Variants in ACTR3 observed in about 807,000 individuals in gnomAD.
The protein encoded by ACTR3 is actin related protein 3.
Under a neutral mutation model 56.8 loss-of-function variants are expected in ACTR3, and 12 were observed. The observed-to-expected ratio is 0.21, with a 90% CI of 0.14 to 0.34. ACTR3 has a LOEUF of 0.34. ACTR3 is among the 10% of genes least tolerant of loss of function. ACTR3 has a pLI of 1.00. For missense variants in ACTR3, 282 were observed against 512.5 expected, an observed-to-expected ratio of 0.55 and a Z score of 4.34; for synonymous variants, 162 against 167.4, an observed-to-expected ratio of 0.97 and a Z score of 0.25.
chr2:113,908,716 T>C (rs1245105943), intron 1 of ACTR3, among the ~76,000 whole-genome samples: 1 of 152,142 alleles, frequency 6.6e-6, no homozygotes, highest in Non-Finnish European at 1.5e-5. Context: ...TCTTAATTTT[T>C]AAAGTTTGCT....
At chr2:113,932,879 A>G (rs1363736863) in intron 5 of ACTR3, among the ~76,000 whole-genome samples, 1 of 152,166 alleles carries the variant, frequency 6.6e-6, no homozygotes, top group African/African-American at 2.4e-5. Context: ...TCTTGTGTTC[A>G]GATAGGAGGG....
In ACTR3 at chr2:113,959,205, CT is replaced by C. The variant is rs1680278615; in HGVS notation, c.*1752del. On this transcript the variant is annotated 3_prime_UTR_variant, in exon 12 of 12. Coordinates refer to ENST00000263238, the MANE Select transcript of ACTR3 (RefSeq NM_005721.5). ...GACTACTTGGAATGTCTTAGATGTCCTTGTATTGTAATTTTCTGTGTAGGTA... is the reference window on the plus strand; with the variant it reads ...GACTACTTGGAATGTCTTAGATGTCCTGTATTGTAATTTTCTGTGTAGGTA... 1 of 151,876 alleles carries C rather than the reference CT, an allele frequency of 6.6e-6. No individual in the cohort carries two copies. The highest frequency in any genetic ancestry group is 1.5e-5 in the Non-Finnish European group (1 of 67,856). 9.4% of individuals were successfully genotyped at this position (151,876 alleles called of 1,614,324 possible). A position where few individuals can be genotyped will look rare whatever the true frequency, so the allele number is the denominator to read the frequency against.
chr2:113,905,926 T>A (rs1679183597), intron 1 of ACTR3, among the ~76,000 whole-genome samples: 1 of 152,256 alleles, frequency 6.6e-6, no homozygotes, highest in Non-Finnish European at 1.5e-5. Flanking sequence ...GCTTCCACCT[T>A]TTAGCTATTG....
intron 2 of ACTR3, among the ~76,000 whole-genome samples, chr2:113,916,028 T>A (rs1490435185): frequency 6.6e-6 from 1 of 152,188 alleles, no homozygotes. Context: ...CACCTGGATG[T>A]CTATGTACAC....
chr2:113,918,498 C>T (rs62169878), intron 3 of ACTR3, among the ~76,000 whole-genome samples: 1 of 151,738 alleles, frequency 6.6e-6, no homozygotes, highest in East Asian at 1.9e-4. Flanking sequence ...GATCCTCCTA[C>T]CTCAGCCTCC....
Position 113,958,107 on chromosome 2 carries a change from G to A in ACTR3, c.*652G>A, listed in dbSNP as rs946413370. The A allele has an allele frequency of 2.0e-5, 3 of 152,450 alleles. No homozygotes were observed. Among genetic ancestry groups the A allele is most frequent in the African/African-American group, 7.2e-5 (3 of 41,386 alleles). 9.4% of individuals were successfully genotyped at this position (152,450 alleles called of 1,614,324 possible). A position where few individuals can be genotyped will look rare whatever the true frequency, so the allele number is the denominator to read the frequency against. The stretch of plus-strand genomic sequence containing the variant: ...TCTGATTACTCGCATTCTGTTTCTT[G>A]CTTTAAAAGAAGAGTAAAGACAAGA... On this transcript the variant is annotated 3_prime_UTR_variant, in exon 12 of 12. Transcript: ENST00000263238.
intron 5 of ACTR3, 193 bp from the exon 6 acceptor site, chr2:113,934,086 T>G (rs1430359116): frequency 5.6e-6 from 3 of 533,976 alleles, no homozygotes; most frequent in Non-Finnish European, 6.5e-6. Context: ...TAAGTTTGTC[T>G]TAATAAAATG....
At chr2:113,912,560 C>T (rs1679327188) in intron 1 of ACTR3, among the ~76,000 whole-genome samples, 1 of 152,086 alleles carries the variant, frequency 6.6e-6, no homozygotes, top group African/African-American at 2.4e-5. Flanking sequence ...AAACAAATCT[C>T]CTTCTCATTT....
rs755010394 is a variant in ACTR3 at position 113,927,351 on chromosome 2, A to G, written c.232A>G (p.Ile78Val). Reference sequence around the variant, plus strand: ...TCCCTTTTTGTTTTAATAGTGGCCAATCCGCCATGGTATAGTTGAAGATTG... The same window carrying G: ...TCCCTTTTTGTTTTAATAGTGGCCAGTCCGCCATGGTATAGTTGAAGATTG... ...EKPTYATKWPIRHGIVEDWDL... is the reference protein window; with the variant it reads ...EKPTYATKWPVRHGIVEDWDL... The change falls in exon 4 of 12, where the codon ATC becomes GTC. Residue 78 changes from isoleucine (I) to valine (V), a missense_variant. Transcript: ENST00000263238. 9.0e-6 allele frequency: 14 copies of G among 1,551,858 alleles called. No individual in the cohort carries two copies. The highest frequency in any genetic ancestry group is 4.0e-5 in the Admixed American group (2 of 50,544).
rs1434205921 is a variant in ACTR3, at chr2:113,913,092, A to G, written c.45-80A>G. 5 of 969,090 alleles carry G rather than the reference A, an allele frequency of 5.2e-6. No individual in the cohort carries two copies. In the African/African-American group the frequency reaches 6.9e-5, roughly 13 times the overall value. 60.0% of individuals were successfully genotyped at this position (969,090 alleles called of 1,614,324 possible). A position where few individuals can be genotyped will look rare whatever the true frequency, so the allele number is the denominator to read the frequency against. On this transcript the variant is annotated intron_variant, in intron 1 of 11. Coordinates refer to ENST00000263238, the MANE Select transcript of ACTR3 (RefSeq NM_005721.5). ...TTTACCTACGATGGAATCTCACTTCATAACAAATGAAATTCTAAGAAAGAA... is the reference window on the plus strand; with the variant it reads ...TTTACCTACGATGGAATCTCACTTCGTAACAAATGAAATTCTAAGAAAGAA...
intron 6 of ACTR3, among the ~76,000 whole-genome samples, chr2:113,939,372 G>T (rs950112706): frequency 1.5e-4 from 22 of 151,546 alleles, no homozygotes; most frequent in Non-Finnish European, 2.8e-4. Context: ...AAATTGAGAG[G>T]GTAAGTTCAA....
At chr2:113,930,536 C>G (rs1312135707) in intron 4 of ACTR3, among the ~76,000 whole-genome samples, 1 of 151,834 alleles carries the variant, frequency 6.6e-6, no homozygotes, top group Non-Finnish European at 1.5e-5. Flanking sequence ...TTTGAGATAC[C>G]TATTAGATTG....
chr2:113,948,142 A>AT (rs1680055389), intron 8 of ACTR3, among the ~76,000 whole-genome samples: 1 of 151,958 alleles, frequency 6.6e-6, no homozygotes, highest in African/African-American at 2.4e-5. Context: ...GCAACTTCAA[A>AT]TTTTTTTTCA....
At chr2:113,908,081 C>T (rs1679232986) in intron 1 of ACTR3, among the ~76,000 whole-genome samples, 1 of 150,178 alleles carries the variant, frequency 6.7e-6, no homozygotes, top group African/African-American at 2.4e-5. Flanking sequence ...TGTATATATG[C>T]TTAGAGAAAT....
At chr2:113,913,593 A>G (rs1467428531) in intron 2 of ACTR3, among the ~76,000 whole-genome samples, 1 of 152,172 alleles carries the variant, frequency 6.6e-6, no homozygotes, top group East Asian at 1.9e-4. Context: ...TGGTTTGTGG[A>G]TATGACTACT....
At chr2:113,940,986 A>G (rs1171631390) in intron 7 of ACTR3, among the ~76,000 whole-genome samples, 2 of 151,850 alleles carry the variant, frequency 1.3e-5, no homozygotes, top group East Asian at 1.9e-4. Context: ...ATGTCTGGCT[A>G]AGTTTTTGTA....
intron 3 of ACTR3, among the ~76,000 whole-genome samples, chr2:113,919,594 A>G (rs1035308626): frequency 6.6e-6 from 1 of 152,134 alleles, no homozygotes; most frequent in African/African-American, 2.4e-5. Flanking sequence ...ACAAGGAAAA[A>G]GTGGATAATT....
intron 1 of ACTR3, among the ~76,000 whole-genome samples, chr2:113,897,892 C>T (rs527345485): frequency 6.6e-6 from 1 of 152,144 alleles, no homozygotes; most frequent in Admixed American, 6.6e-5. Context: ...TGCCGAAGGA[C>T]ATTACCTAAA....
At chr2:113,915,696 A>AT (rs1457299353) in intron 2 of ACTR3, among the ~76,000 whole-genome samples, 7 of 152,210 alleles carry the variant, frequency 4.6e-5, no homozygotes, top group Admixed American at 1.3e-4. Context: ...TATAATCTTG[A>AT]TTTTTTGAAC....
Sources: gnomAD v4.1 joint callset for allele counts (sites outside exome capture counted in the v4.1 genomes callset) on GRCh38, gnomAD v4.1.1 for gene constraint, MANE v1.5 for transcripts, NCBI Gene and HGNC (gene_info 2026-07-23, HGNC 2026-07-21) for gene names.